Variants in ERC2 observed in about 807,000 individuals in gnomAD.
The protein encoded by ERC2 is ELKS/RAB6-interacting/CAST family member 2, also known as ERC protein 2.
ERC2 carries 42 observed loss-of-function variants against 114.8 expected under a neutral mutation model. The ratio of observed to expected loss-of-function variants is 0.37; its 90% CI spans 0.29 to 0.47. The LOEUF (loss-of-function observed/expected upper bound fraction) is 0.47. ERC2 is among the 20% of genes least tolerant of loss of function. The pLI is 0.99. For missense variants in ERC2, 939 were observed against 1,150.7 expected, an observed-to-expected ratio of 0.82 and a Z score of 2.66; for synonymous variants, 454 against 425.5, an observed-to-expected ratio of 1.07 and a Z score of -0.82.
At chr3:55,773,005 T>C (rs2149030629) in intron 14 of ERC2, among the ~76,000 whole-genome samples, 1 of 152,320 alleles carries the variant, frequency 6.6e-6, no homozygotes, top group Admixed American at 6.5e-5. Flanking sequence ...GCCTGGATTA[T>C]TGCAATGGCC....
At chr3:56,334,003 A>C (rs2057745421) in intron 2 of ERC2, among the ~76,000 whole-genome samples, 1 of 152,244 alleles carries the variant, frequency 6.6e-6, no homozygotes. Context: ...TCTATGGTTT[A>C]CCACAGTGCC....
intron 6 of ERC2, among the ~76,000 whole-genome samples, chr3:56,131,726 G>C (rs1392577059): frequency 6.6e-6 from 1 of 152,174 alleles, no homozygotes; most frequent in Non-Finnish European, 1.5e-5. Context: ...TTGGTTAACA[G>C]ATACAAAATT....
intron 14 of ERC2, among the ~76,000 whole-genome samples, chr3:55,778,644 T>G (rs1028573296): frequency 6.6e-6 from 1 of 152,116 alleles, no homozygotes; most frequent in Non-Finnish European, 1.5e-5. Context: ...GATAAATAAT[T>G]TGCATCCACA....
chr3:56,171,560 T>C (rs1010094361), intron 4 of ERC2, among the ~76,000 whole-genome samples: 8 of 152,236 alleles, frequency 5.3e-5, no homozygotes, highest in African/African-American at 1.7e-4. Flanking sequence ...AGGAGAACTC[T>C]AGGCTCAATT....
chr3:56,129,960 G>GA (rs1462238806), intron 6 of ERC2, among the ~76,000 whole-genome samples: 12 of 152,172 alleles, frequency 7.9e-5, no homozygotes, highest in African/African-American at 2.4e-4. Flanking sequence ...TGTTCCACTG[G>GA]AAAAATAAGT....
intron 6 of ERC2, among the ~76,000 whole-genome samples, chr3:56,123,215 G>T (rs2079679185): frequency 6.6e-6 from 1 of 152,178 alleles, no homozygotes; most frequent in African/African-American, 2.4e-5. Flanking sequence ...AACCTCCAAG[G>T]TGATGGTATT....
intron 2 of ERC2, among the ~76,000 whole-genome samples, chr3:56,310,133 T>A (rs990566866): frequency 2.0e-5 from 3 of 152,188 alleles, no homozygotes; most frequent in Non-Finnish European, 4.4e-5. Context: ...TGTTAGCCAG[T>A]AATCCACAAC....
intron 6 of ERC2, among the ~76,000 whole-genome samples, chr3:56,124,235 T>G (rs574429845): frequency 1.3e-5 from 2 of 152,342 alleles, no homozygotes; most frequent in Admixed American, 1.3e-4. Context: ...TCTACTGATT[T>G]TTCCAATTAC....
chr3:55,513,790 T>C (rs960333807), intron 17 of ERC2, among the ~76,000 whole-genome samples: 4 of 151,956 alleles, frequency 2.6e-5, no homozygotes, highest in Non-Finnish European at 4.4e-5. Flanking sequence ...CATGCCACCA[T>C]GTCTGGCTAA....
intron 13 of ERC2, among the ~76,000 whole-genome samples, chr3:55,921,139 G>T (rs2065403382): frequency 6.6e-6 from 1 of 152,048 alleles, no homozygotes; most frequent in Non-Finnish European, 1.5e-5. Context: ...TAACTACATG[G>T]TTCATATTTG....
chr3:56,271,589 T>C (rs1398220266), intron 3 of ERC2, among the ~76,000 whole-genome samples: 2 of 152,172 alleles, frequency 1.3e-5, no homozygotes, highest in Non-Finnish European at 1.5e-5. Flanking sequence ...GCATTAGCTA[T>C]TATCTCCATC....
At chr3:56,235,801 T>C in intron 3 of ERC2, among the ~76,000 whole-genome samples, 1 of 152,232 alleles carries the variant, frequency 6.6e-6, no homozygotes, top group East Asian at 1.9e-4. Flanking sequence ...TAAGTACTAA[T>C]AGCCACATGT....
chr3:56,252,961 G>A (rs1007367184), intron 3 of ERC2, among the ~76,000 whole-genome samples: 5 of 152,142 alleles, frequency 3.3e-5, no homozygotes, highest in Non-Finnish European at 1.5e-5. Flanking sequence ...GGGCACCCCA[G>A]GGAACCTATG....
chr3:56,448,600 G>C (rs1328511411), intron 1 of ERC2, among the ~76,000 whole-genome samples: 6 of 152,140 alleles, frequency 3.9e-5, no homozygotes, highest in Non-Finnish European at 8.8e-5. Flanking sequence ...GCTTGCTCCA[G>C]CTATACCAGG....
chr3:56,040,609 A>ATACATATATATCTATATATG lies in ERC2; in HGVS notation c.1642-21579_1642-21578insCATATATAGATATATATGTA, dbSNP rs1576670790. On this transcript the variant is annotated intron_variant, in intron 7 of 17. Transcript: ENST00000288221. Reference sequence around the variant, plus strand: ...TACATATATATCTATATATGTATATATAATATATAGATGTATATGTATATA... The same window carrying ATACATATATATCTATATATG: ...TACATATATATCTATATATGTATATATACATATATATCTATATATGTAATATATAGATGTATATGTATATA... Among the ~76,000 whole-genome samples the ATACATATATATCTATATATG allele has an allele frequency of 2.9e-4, 38 of 128,848 alleles. 3 individuals are homozygous for ATACATATATATCTATATATG. In the East Asian group the frequency reaches 8.0e-3, roughly 27 times the overall value. The allele number at this position is 128,848 out of a possible 152,430, so 84.5% of individuals were successfully genotyped here.
chr3:55,615,993 C>G (rs916437144), intron 17 of ERC2, among the ~76,000 whole-genome samples: 4 of 152,154 alleles, frequency 2.6e-5, no homozygotes, highest in Admixed American at 1.3e-4. Flanking sequence ...CTCCATATAC[C>G]TTCTGGTCTT....
chr3:55,547,789 A>C (rs1010896784), intron 17 of ERC2, among the ~76,000 whole-genome samples: 107 of 152,202 alleles, frequency 7.0e-4, no homozygotes, highest in African/African-American at 2.5e-3. Context: ...AAATGAAAGA[A>C]TTTTGCTACT....
intron 14 of ERC2, among the ~76,000 whole-genome samples, chr3:55,808,701 T>TTATATATATATATATATA (rs377604698): frequency 8.1e-5 from 5 of 61,734 alleles, no homozygotes; most frequent in Non-Finnish European, 1.2e-4. Context: ...TACCATAATT[T>TTATATATATATATATATA]TATATATATA....
At chr3:56,059,614 G>A (rs1341550331) in intron 7 of ERC2, among the ~76,000 whole-genome samples, 1 of 152,128 alleles carries the variant, frequency 6.6e-6, no homozygotes, top group Non-Finnish European at 1.5e-5. Flanking sequence ...CAATTTAGGA[G>A]AGTTGGATGT....
Sources: allele counts gnomAD v4.1 joint callset (sites outside exome capture counted in the v4.1 genomes callset), GRCh38; gene constraint gnomAD v4.1.1; transcripts MANE v1.5; gene names NCBI Gene and HGNC (gene_info 2026-07-23, HGNC 2026-07-21).